SH2B3: variants seen among roughly 807,000 people sequenced by gnomAD.
SH2B3 encodes the protein SH2B adapter protein 3.
SH2B3 carries 43 observed loss-of-function variants against 51.9 expected under a neutral mutation model. The observed-to-expected ratio is 0.83, with a 90% CI of 0.65 to 1.07. The LOEUF (loss-of-function observed/expected upper bound fraction) is 1.07, where lower values mean the gene tolerates loss of function less well. SH2B3 is among the 50% of genes least tolerant of loss of function. SH2B3 has a pLI of 0.00. For missense variants in SH2B3, 952 were observed against 834.3 expected, an observed-to-expected ratio of 1.14 and a Z score of -1.74; for synonymous variants, 396 against 376.0, an observed-to-expected ratio of 1.05 and a Z score of -0.62.
intron 2 of SH2B3, among the ~76,000 whole-genome samples, chr12:111,423,591 C>T (rs906077874): frequency 6.6e-6 from 1 of 152,056 alleles, no homozygotes; most frequent in African/African-American, 2.4e-5. Flanking sequence ...CGGATGGTTT[C>T]GATCTCCTGA....
chr12:111,431,412 G>A (rs1372424053), intron 2 of SH2B3, among the ~76,000 whole-genome samples: 1 of 152,078 alleles, frequency 6.6e-6, no homozygotes, highest in Non-Finnish European at 1.5e-5. Context: ...AACTTGCCGA[G>A]GGCCTCCATG....
Position 111,447,642 on chromosome 12 carries a change from CTCTCCTCCCACA to C in SH2B3, c.1237-13_1237-2del. ...AGAGGGACAGCCCGAGCCCACCATC[CTCTCCTCCCACA>C]GCACCTGCGCCTGTCGCTGACAGAG... On this transcript the variant is annotated splice_acceptor_variant and splice_polypyrimidine_tract_variant and intron_variant, in intron 6 of 7. Coordinates refer to ENST00000341259, the MANE Select transcript of SH2B3 (RefSeq NM_005475.3). LOFTEE classifies it high-confidence loss of function. 1 of 1,609,612 alleles carries C rather than the reference CTCTCCTCCCACA, an allele frequency of 6.2e-7. No individual in the cohort carries two copies. The highest frequency in any genetic ancestry group is 8.5e-7 in the Non-Finnish European group (1 of 1,176,892).
intron 2 of SH2B3, among the ~76,000 whole-genome samples, chr12:111,436,901 C>T (rs551525000): frequency 5.9e-5 from 9 of 151,982 alleles, no homozygotes; most frequent in East Asian, 3.9e-4. Flanking sequence ...TCACTTCCCC[C>T]GCCCCCCTCC....
In SH2B3 at chr12:111,451,321, T is replaced by G. The variant is rs1247642081; in HGVS notation, c.*3019T>G. The G allele has an allele frequency of 6.6e-6, 1 of 152,666 alleles. No individual in the cohort carries two copies. Among genetic ancestry groups the G allele is most frequent in the African/African-American group, 2.4e-5 (1 of 41,472 alleles). The allele number at this position is 152,666 out of a possible 1,614,324, so 9.5% of individuals were successfully genotyped here. ...CTGAGGGTTGCCTGAGATTCCTTCA[T>G]GCTTTCTATTCAGGACTAAGTCCCT... On this transcript the variant is annotated 3_prime_UTR_variant, in exon 8 of 8. Coordinates refer to ENST00000341259, the MANE Select transcript of SH2B3 (RefSeq NM_005475.3).
At chr12:111,427,399 A>G (rs1399282986) in intron 2 of SH2B3, among the ~76,000 whole-genome samples, 1 of 126,092 alleles carries the variant, frequency 7.9e-6, no homozygotes, top group African/African-American at 5.4e-5. Flanking sequence ...AAAAAAAAAA[A>G]AAAAAAAAAA....
In SH2B3 at chr12:111,429,418, G is replaced by A. The variant is rs976489824; in HGVS notation, c.732+10541G>A. 1.3e-5 allele frequency among the ~76,000 whole-genome samples: 2 copies of A among 152,114 alleles called. No homozygotes were observed. The highest frequency in any genetic ancestry group is 2.4e-5 in the African/African-American group (1 of 41,430). ...GTGATTTTGGCTCACTGCAACCACC[G>A]CCTCCAGGGTTCAAGCAATTCTCCT... On this transcript the variant is annotated intron_variant, in intron 2 of 7. Transcript: ENST00000341259. This position sits in a 1 kb window ranked among gnomAD's most constrained non-coding sequence, Gnocchi z 4.4.
intron 2 of SH2B3, among the ~76,000 whole-genome samples, chr12:111,444,399 GAAGC>G (rs1391924492): frequency 6.6e-6 from 1 of 152,172 alleles, no homozygotes; most frequent in African/African-American, 2.4e-5. Flanking sequence ...ATAACAAACA[GAAGC>G]CATCTGTTTA....
Position 111,438,692 on chromosome 12 carries a change from A to C in SH2B3, c.733-8061A>C, listed in dbSNP as rs573048089. 3.9e-5 allele frequency among the ~76,000 whole-genome samples: 6 copies of C among 152,232 alleles called. No homozygotes were observed. The highest frequency in any genetic ancestry group is 8.8e-5 in the Non-Finnish European group (6 of 68,046). ...GGAATGCGCAAGACCAGCTCATAGGACAACAGGCAGGGAAGGAAGTGAAGG... is the reference window on the plus strand; with the variant it reads ...GGAATGCGCAAGACCAGCTCATAGGCCAACAGGCAGGGAAGGAAGTGAAGG... On this transcript the variant is annotated intron_variant, in intron 2 of 7. Coordinates refer to ENST00000341259, the MANE Select transcript of SH2B3 (RefSeq NM_005475.3). This position sits in a 1 kb window ranked among gnomAD's most constrained non-coding sequence, Gnocchi z 4.2.
chr12:111,415,842 G>A (rs938869951), intron 1 of SH2B3, among the ~76,000 whole-genome samples: 3 of 151,956 alleles, frequency 2.0e-5, no homozygotes, highest in African/African-American at 7.3e-5. Context: ...GGCTGGTTTC[G>A]AATTCCTGAC....
intron 1 of SH2B3, among the ~76,000 whole-genome samples, chr12:111,413,667 C>T (rs574157267): frequency 2.6e-5 from 4 of 152,304 alleles, no homozygotes; most frequent in African/African-American, 9.6e-5. Flanking sequence ...CTGGTTGCCA[C>T]GCATCTGCCG....
intron 2 of SH2B3, among the ~76,000 whole-genome samples, chr12:111,440,802 G>A (rs1873335475): frequency 6.6e-6 from 1 of 152,234 alleles, no homozygotes; most frequent in Admixed American, 6.5e-5. Flanking sequence ...CATGGGAGCA[G>A]GGGAGTGACA....
chr12:111,423,643 T>A (rs576990010), intron 2 of SH2B3, among the ~76,000 whole-genome samples: 1 of 152,280 alleles, frequency 6.6e-6, no homozygotes, highest in African/African-American at 2.4e-5. Flanking sequence ...GTGCCGGGAT[T>A]ACAGGCGTGA....
At chr12:111,413,166 G>C (rs1870829811) in intron 1 of SH2B3, among the ~76,000 whole-genome samples, 1 of 152,194 alleles carries the variant, frequency 6.6e-6, no homozygotes, top group Admixed American at 6.5e-5. Context: ...TAAAATGGAA[G>C]TAATCGTTGG....
chr12:111,405,036 G>T (rs1047756994), upstream of SH2B3, among the ~76,000 whole-genome samples: 3 of 152,174 alleles, frequency 2.0e-5, no homozygotes. This position sits in a 1 kb window ranked among gnomAD's most constrained non-coding sequence, Gnocchi z 5.4. Flanking sequence ...CCACATGTTG[G>T]GGGAGAGGCT....
At position 111,406,141 on chromosome 12, in the gene SH2B3, A is replaced by T. The variant is rs925307495; in HGVS notation, c.-164A>T. 1.3e-5 allele frequency: 2 copies of T among 151,742 alleles called. No individual in the cohort carries two copies. Among genetic ancestry groups the T allele is most frequent in the East Asian group, 3.9e-4 (2 of 5,138 alleles). 9.4% of individuals were successfully genotyped at this position (151,742 alleles called of 1,614,324 possible). A position where few individuals can be genotyped will look rare whatever the true frequency, so the allele number is the denominator to read the frequency against. On this transcript the variant is annotated 5_prime_UTR_variant, in exon 1 of 8. Coordinates refer to ENST00000341259, the MANE Select transcript of SH2B3 (RefSeq NM_005475.3). The surrounding 1 kb of genome is among the most constrained non-coding windows in gnomAD (Gnocchi z 5.7). ...GGGTTTCCTGCCTGAGCCCCGCTCG[A>T]GCGAGCCGCGAGCGAGGAGCCGGCG...
intron 2 of SH2B3, among the ~76,000 whole-genome samples, chr12:111,431,289 C>A (rs1030949891): frequency 2.0e-5 from 3 of 152,144 alleles, no homozygotes; most frequent in African/African-American, 7.2e-5. Context: ...CAGCTCTACA[C>A]ACAGGGGCAC....
rs751833364 is a variant in SH2B3 at position 111,448,288 on chromosome 12, T to C, written c.1714T>C (p.Tyr572His). Residue 572 changes from tyrosine (Y) to histidine (H), a missense_variant, in exon 8 of 8, where the codon TAC becomes CAC. Coordinates refer to ENST00000341259, the MANE Select transcript of SH2B3 (RefSeq NM_005475.3). ...CCACCTGCGGGCCATAGACAATCAG[T>C]ACACACCTCTCTGACCAGTGAGGAA... ...RSHLRAIDNQ[Y>H]TPL 6.2e-7 allele frequency: 1 copy of C among 1,608,430 alleles called. No individual in the cohort carries two copies. Among genetic ancestry groups the C allele is most frequent in the Non-Finnish European group, 8.5e-7 (1 of 1,175,696 alleles).
chr12:111,440,867 C>T (rs932329720), intron 2 of SH2B3, among the ~76,000 whole-genome samples: 5 of 152,234 alleles, frequency 3.3e-5, no homozygotes, highest in African/African-American at 1.2e-4. Context: ...TCTCTTAAGG[C>T]TGAGCTCCTA....
rs1461095287 is a variant in SH2B3 at position 111,410,838 on chromosome 12, T to G, written c.-28+4561T>G. On this transcript the variant is annotated intron_variant, in intron 1 of 7. Coordinates refer to ENST00000341259, the MANE Select transcript of SH2B3 (RefSeq NM_005475.3). The surrounding 1 kb of genome is among the most constrained non-coding windows in gnomAD (Gnocchi z 4.9). The stretch of plus-strand genomic sequence containing the variant: ...GCCTGCCAGGCAGTGTGTGTCAGAA[T>G]CCCACAACTCTCTGGGCCTCCTTAG... Among the ~76,000 whole-genome samples the G allele has an allele frequency of 2.0e-5, 3 of 152,172 alleles. No homozygotes were observed. The highest frequency in any genetic ancestry group is 1.3e-4 in the Admixed American group (2 of 15,282).
Sources: allele counts gnomAD v4.1 joint callset (sites outside exome capture counted in the v4.1 genomes callset), GRCh38; gene constraint gnomAD v4.1.1; non-coding constraint Gnocchi (gnomAD v3.1); transcripts MANE v1.5; gene names NCBI Gene and HGNC (gene_info 2026-07-23, HGNC 2026-07-21).